CASK: variants seen among roughly 807,000 people sequenced by gnomAD.
CASK encodes the protein calcium/calmodulin dependent serine protein kinase.
Under a neutral mutation model 82.9 loss-of-function variants are expected in CASK, and 4 were observed. The observed-to-expected ratio is 0.05, with a 90% CI of 0.02 to 0.11. The LOEUF is 0.11. Among genes scored for constraint, CASK ranks in the 10% least tolerant of loss-of-function variants. CASK has a pLI of 1.00. For synonymous variants in CASK, 259 were observed against 253.5 expected (o/e 1.02, Z -0.20); for missense variants, 358 against 720.9 (o/e 0.50, Z 5.76).
At chrX:41,793,061 G>A (rs780317235) in intron 2 of CASK, among the ~76,000 whole-genome samples, 6 of 112,038 alleles carry the variant, frequency 5.4e-5, no homozygotes, top group Admixed American at 9.5e-5. Context: ...TTTCACAGAA[G>A]GAAATCCTAT....
chrX:41,633,201 C>T (rs1220444055), intron 9 of CASK, among the ~76,000 whole-genome samples: 2 of 110,937 alleles, frequency 1.8e-5, no homozygotes, highest in African/African-American at 6.6e-5. Context: ...AATAAACTTA[C>T]CCAAACATAG....
At chrX:41,731,047 T>A (rs1307832006) in intron 5 of CASK, among the ~76,000 whole-genome samples, 2 of 112,125 alleles carry the variant, frequency 1.8e-5, no homozygotes, top group East Asian at 5.5e-4. Flanking sequence ...CCAAAACTCA[T>A]CCGACTAAGA....
At chrX:41,790,917 A>G (rs983208657) in intron 2 of CASK, among the ~76,000 whole-genome samples, 4 of 112,001 alleles carry the variant, frequency 3.6e-5, no homozygotes, top group African/African-American at 6.5e-5. Flanking sequence ...TAAAAACACT[A>G]TTTGCCTACA....
intron 2 of CASK, among the ~76,000 whole-genome samples, chrX:41,802,032 C>T (rs761638410): frequency 3.6e-5 from 4 of 110,853 alleles, no homozygotes; most frequent in East Asian, 2.8e-4. Flanking sequence ...ATCCATAAGG[C>T]GCTCAAAAAA....
intron 3 of CASK, among the ~76,000 whole-genome samples, chrX:41,777,058 A>G (rs145743885): frequency 1.4e-3 from 159 of 112,314 alleles, no homozygotes; most frequent in African/African-American, 5.0e-3. Flanking sequence ...CCAAATACTC[A>G]TTAGCATTAA....
chrX:41,904,226 T>A (rs2072431610), intron 1 of CASK, among the ~76,000 whole-genome samples: 1 of 112,278 alleles, frequency 8.9e-6, no homozygotes, highest in South Asian at 3.7e-4. Flanking sequence ...GTACTTTATT[T>A]CTTTTTTTGG....
At chrX:41,749,657 G>A (rs894233246) in intron 3 of CASK, among the ~76,000 whole-genome samples, 1 of 109,826 alleles carries the variant, frequency 9.1e-6, no homozygotes, top group African/African-American at 3.3e-5. Context: ...AAAGTGCTGG[G>A]ATTACAGGCA....
chrX:41,731,939 A>ATT (rs1309557386), intron 5 of CASK, among the ~76,000 whole-genome samples: 29 of 84,143 alleles, frequency 3.4e-4, no homozygotes, highest in South Asian at 5.4e-4. Context: ...TAATTTTTGT[A>ATT]TTTTTTTTTT....
chrX:41,847,558 G>A (rs1266448259), intron 2 of CASK, among the ~76,000 whole-genome samples: 1 of 111,978 alleles, frequency 8.9e-6, no homozygotes, highest in African/African-American at 3.2e-5. Context: ...TCTATGGATT[G>A]CTTTTCCCCC....
chrX:41,653,308 C>T lies in CASK; in HGVS notation c.831+7131G>A, dbSNP rs769651783. On this transcript the variant is annotated intron_variant, in intron 8 of 26. Transcript: ENST00000378163. ...TTGATTCCTGGTTCATTATCGTGGT[C>T]TTCCATGGTTTGGAGCTGCAACTGT... 5.4e-5 allele frequency among the ~76,000 whole-genome samples: 6 copies of T among 111,890 alleles called. No homozygotes were observed. In the South Asian group the frequency reaches 2.2e-3, roughly 42 times the overall value.
chrX:41,633,666 C>T (rs763778097), intron 9 of CASK, among the ~76,000 whole-genome samples: 3 of 108,751 alleles, frequency 2.8e-5, no homozygotes, highest in Non-Finnish European at 5.7e-5. Flanking sequence ...GGAAAAAACT[C>T]GACACATGAA....
At chrX:41,714,356 T>G (rs1425355545) in intron 5 of CASK, among the ~76,000 whole-genome samples, 1 of 111,726 alleles carries the variant, frequency 9.0e-6, no homozygotes, top group African/African-American at 3.3e-5. Flanking sequence ...AAGTAAGCAT[T>G]GAGAAAATTA....
chrX:41,822,448 C>T (rs2070565322), intron 2 of CASK, among the ~76,000 whole-genome samples: 1 of 104,341 alleles, frequency 9.6e-6, no homozygotes, highest in Non-Finnish European at 1.9e-5. Flanking sequence ...GTCCCAGCTA[C>T]TTGGGAGGCT....
chrX:41,775,891 G>T (rs1209208915), intron 3 of CASK, among the ~76,000 whole-genome samples: 2 of 75,537 alleles, frequency 2.6e-5, no homozygotes, highest in African/African-American at 9.9e-5. Context: ...GTTGTGGGGT[G>T]GGGGGAGGGG....
rs991692958 is a variant in CASK, at chrX:41,520,355, G to A, written c.*65C>T. The A allele has an allele frequency of 2.6e-5, 24 of 929,137 alleles. No individual in the cohort carries two copies. Among genetic ancestry groups the A allele is most frequent in the South Asian group, 8.4e-5 (4 of 47,741 alleles). 76.6% of individuals were successfully genotyped at this position (929,137 alleles called of 1,213,427 possible). ...GACCATGACCTGCTGACACAAGGCCGATAACAAAGAGGCTTTTCCACAAAT... is the reference window on the plus strand; with the variant it reads ...GACCATGACCTGCTGACACAAGGCCAATAACAAAGAGGCTTTTCCACAAAT... On this transcript the variant is annotated 3_prime_UTR_variant, in exon 27 of 27. Transcript: ENST00000378163.
chrX:41,891,752 C>T (rs972872782), intron 1 of CASK, among the ~76,000 whole-genome samples: 1 of 111,454 alleles, frequency 9.0e-6, no homozygotes, highest in South Asian at 3.7e-4. Context: ...AGATAAATAT[C>T]TTTGATATAT....
chrX:41,626,766 T>A, intron 9 of CASK, 63 bp from the exon 10 acceptor site: 4 of 713,904 alleles, frequency 5.6e-6, no homozygotes, highest in Non-Finnish European at 8.7e-6. Context: ...ATAAGTTATT[T>A]AACAAATTAT....
intron 9 of CASK, among the ~76,000 whole-genome samples, chrX:41,633,533 A>G (rs1055442629): frequency 8.2e-5 from 9 of 110,367 alleles, no homozygotes; most frequent in African/African-American, 3.0e-4. Context: ...AAATGTCCTC[A>G]TATTCAGTTC....
intron 16 of CASK, among the ~76,000 whole-genome samples, chrX:41,567,315 G>T (rs1341879928): frequency 8.9e-6 from 1 of 111,939 alleles, no homozygotes; most frequent in African/African-American, 3.3e-5. Context: ...TACAGAATGG[G>T]AGAGAATTTT....
Sources: allele counts gnomAD v4.1 joint callset (sites outside exome capture counted in the v4.1 genomes callset), GRCh38; gene constraint gnomAD v4.1.1; transcripts MANE v1.5; gene names NCBI Gene and HGNC (gene_info 2026-07-23, HGNC 2026-07-21).